The following FMN1 variants were observed in gnomAD, a reference collection of about 807,000 sequenced individuals.
FMN1 encodes formin 1.
FMN1 carries 110 observed loss-of-function variants against 132.4 expected under a neutral mutation model. The ratio of observed to expected loss-of-function variants is 0.83; its 90% CI spans 0.71 to 0.97. FMN1 has a LOEUF of 0.97. FMN1 is among the 50% of genes least tolerant of loss of function. The probability of loss-of-function intolerance (pLI) is 0.00; values close to 1 mark genes in which losing one functional copy is unlikely to be tolerated. For missense variants in FMN1, 1,792 were observed against 1,705.3 expected (o/e 1.05, Z -0.90); for synonymous variants, 722 against 651.7 (o/e 1.11, Z -1.64).
chr15:32,806,714 T>C (rs1021132381), intron 17 of FMN1, among the ~76,000 whole-genome samples: 8 of 152,256 alleles, frequency 5.3e-5, no homozygotes, highest in African/African-American at 1.4e-4. Flanking sequence ...AGCGTGCACA[T>C]TGGAGGATCT....
intron 3 of FMN1, among the ~76,000 whole-genome samples, chr15:33,160,044 G>T (rs1036330482): frequency 3.3e-5 from 5 of 152,214 alleles, no homozygotes; most frequent in African/African-American, 1.2e-4. Context: ...TGAAATCAGA[G>T]CCTCAGAGAG....
chr15:32,825,230 T>C (rs1001448987), intron 17 of FMN1, among the ~76,000 whole-genome samples: 3 of 152,232 alleles, frequency 2.0e-5, no homozygotes, highest in African/African-American at 7.2e-5. Context: ...ACCAGAATAA[T>C]CTTTTAAAAC....
chr15:33,184,310 T>C (rs968816763), intron 2 of FMN1, among the ~76,000 whole-genome samples: 3 of 152,146 alleles, frequency 2.0e-5, no homozygotes, highest in African/African-American at 7.2e-5. Context: ...ACATACATCA[T>C]TTTTTAAAAA....
At chr15:33,075,431 C>T (rs929856845) in intron 5 of FMN1, among the ~76,000 whole-genome samples, 2 of 152,170 alleles carry the variant, frequency 1.3e-5, no homozygotes, top group East Asian at 1.9e-4. Context: ...AACACACCTC[C>T]GCATGCCCCA....
intron 6 of FMN1, among the ~76,000 whole-genome samples, chr15:33,031,062 A>AATT (rs141775038): frequency 7.7e-5 from 11 of 142,610 alleles, no homozygotes; most frequent in African/African-American, 1.3e-4. Context: ...CCTGTGTGGG[A>AATT]ATTATTATTA....
At chr15:32,893,664 C>T (rs886920852) in intron 15 of FMN1, among the ~76,000 whole-genome samples, 7 of 152,232 alleles carry the variant, frequency 4.6e-5, no homozygotes, top group Non-Finnish European at 1.0e-4. Flanking sequence ...CATAATTCTA[C>T]CCTCTTGTTG....
intron 4 of FMN1, 117 bp from the exon 5 acceptor site, chr15:33,089,091 T>C (rs2038811672): frequency 1.3e-6 from 1 of 799,562 alleles, no homozygotes; most frequent in South Asian, 2.3e-5. Flanking sequence ...CTTTGCTTTC[T>C]AAGTTATATT....
At chr15:32,867,509 GTT>G (rs35209952) in intron 16 of FMN1, among the ~76,000 whole-genome samples, 2 of 147,374 alleles carry the variant, frequency 1.4e-5, no homozygotes, top group Non-Finnish European at 3.0e-5. Context: ...GTCTCATCAG[GTT>G]TTTTTTTTTT....
rs2038797946 is a variant in FMN1 at position 33,088,804 on chromosome 15, G to C, written c.2038C>G (p.Leu680Val). The C allele has an allele frequency of 6.5e-7, 1 of 1,534,124 alleles. No homozygotes were observed. ...KSNRSELYLD[L>V]HPDHSLTEQD... The stretch of plus-strand genomic sequence containing the variant: ...TCACCAAGATTTCTACTTACATGGA[G>C]ATCCAAGTACAATTCGCTCCTGTTT... The change falls in exon 5 of 21, where the codon CTC (leucine) becomes GTC (valine). Residue 680 changes from leucine to valine, a missense_variant. Coordinates refer to ENST00000616417, the MANE Select transcript of FMN1 (RefSeq NM_001277313.2).
At chr15:32,891,161 G>T (rs571231108) in intron 15 of FMN1, among the ~76,000 whole-genome samples, 1 of 152,212 alleles carries the variant, frequency 6.6e-6, no homozygotes, top group Admixed American at 6.5e-5. Context: ...AGTATAGTTT[G>T]AAATCAGGTA....
At chr15:33,085,494 A>C (rs1157874605) in intron 5 of FMN1, among the ~76,000 whole-genome samples, 1 of 150,996 alleles carries the variant, frequency 6.6e-6, no homozygotes, top group Non-Finnish European at 1.5e-5. Context: ...CTGTTTAATT[A>C]CACAGTATTT....
chr15:32,972,146 G>A (rs942585042), intron 7 of FMN1, among the ~76,000 whole-genome samples: 1 of 152,136 alleles, frequency 6.6e-6, no homozygotes, highest in Non-Finnish European at 1.5e-5. Context: ...AGCATAGTAA[G>A]TGCTATTTCA....
chr15:33,014,899 C>A (rs2034949202), intron 6 of FMN1, among the ~76,000 whole-genome samples: 1 of 152,198 alleles, frequency 6.6e-6, no homozygotes, highest in Non-Finnish European at 1.5e-5. Flanking sequence ...ATGAGTTTAC[C>A]TAATTACATA....
In FMN1 at chr15:33,139,334, C is replaced by T. The variant is rs1004915510; in HGVS notation, c.1867+13714G>A. ...GTTGTTGGCCGGGCACGGTGGCGCA[C>T]GCCTGTAATCTCAGCACTTTGGGAG... On this transcript the variant is annotated intron_variant, in intron 4 of 20. Transcript: ENST00000616417. 4.6e-5 allele frequency among the ~76,000 whole-genome samples: 7 copies of T among 152,310 alleles called. No homozygotes were observed. The East Asian group carries it at 5.8e-4, about 13-fold the overall frequency.
chr15:33,126,949 AG>A (rs1294507797), intron 4 of FMN1, among the ~76,000 whole-genome samples: 4 of 152,334 alleles, frequency 2.6e-5, no homozygotes, highest in Middle Eastern at 6.8e-3. Flanking sequence ...CTCCTGACAA[AG>A]AACTGTGGTT....
intron 4 of FMN1, among the ~76,000 whole-genome samples, chr15:33,105,459 A>G (rs769935629): frequency 5.3e-5 from 8 of 152,152 alleles, no homozygotes; most frequent in Non-Finnish European, 1.0e-4. Context: ...ATCTAGATGG[A>G]CTGTCAATGG....
At chr15:33,048,651 C>CAAAAAAAAAAAAAAAAAAAAAAAAAAAAA (rs1338668794) in intron 6 of FMN1, among the ~76,000 whole-genome samples, 13 of 120,096 alleles carry the variant, frequency 1.1e-4, no homozygotes, top group Non-Finnish European at 1.6e-4. Context: ...AAAAAAAAAC[C>CAAAAAAAAAAAAAAAAAAAAAAAAAAAAA]AACAGTTTAA....
At chr15:33,079,903 G>C (rs1237821581) in intron 5 of FMN1, among the ~76,000 whole-genome samples, 2 of 151,932 alleles carry the variant, frequency 1.3e-5, no homozygotes. Flanking sequence ...TTTCCAAATT[G>C]ATCAGTTCAT....
At chr15:33,076,853 T>C (rs959134349) in intron 5 of FMN1, among the ~76,000 whole-genome samples, 7 of 152,204 alleles carry the variant, frequency 4.6e-5, no homozygotes, top group African/African-American at 1.7e-4. Flanking sequence ...ACCAAATGGC[T>C]ACTGAAATTA....
Sources: allele counts gnomAD v4.1 joint callset (sites outside exome capture counted in the v4.1 genomes callset), GRCh38; gene constraint gnomAD v4.1.1; transcripts MANE v1.5; gene names NCBI Gene and HGNC (gene_info 2026-07-23, HGNC 2026-07-21).